EIF4E: variants seen among roughly 807,000 people sequenced by gnomAD.
EIF4E encodes eukaryotic translation initiation factor 4E.
For missense variants in EIF4E, 113 were observed against 265.6 expected, an observed-to-expected ratio of 0.43 and a Z score of 3.99; for synonymous variants, 71 against 88.5, an observed-to-expected ratio of 0.80 and a Z score of 1.11.
chr4:98,894,947 T>A (rs1304274536), intron 2 of EIF4E, among the ~76,000 whole-genome samples: 1 of 152,212 alleles, frequency 6.6e-6, no homozygotes, highest in South Asian at 2.1e-4. Context: ...GGGCTATTAA[T>A]TGGCTTAATT....
rs1356574038 is a variant in EIF4E, at chr4:98,885,106, C to T, written c.400-45G>A. On this transcript the variant is annotated intron_variant, in intron 5 of 6. Transcript: ENST00000450253. Reference sequence around the variant, plus strand: ...TTACATTTAATAGATTATAAACAAGCTCATTACACTGCAAATGTCTCTTCT... The same window carrying T: ...TTACATTTAATAGATTATAAACAAGTTCATTACACTGCAAATGTCTCTTCT... The T allele has an allele frequency of 3.8e-6, 6 of 1,583,806 alleles. No homozygotes were observed. The African/African-American group carries it at 4.1e-5, about 11-fold the overall frequency.
At position 98,880,919 on chromosome 4, in the gene EIF4E, A is replaced by C. The variant is rs3749547; in HGVS notation, c.*109T>G. On this transcript the variant is annotated 3_prime_UTR_variant, in exon 7 of 7. Transcript: ENST00000450253. ...TATATCTGAGTAACATTAAGATGGA[A>C]ATCAAATTTAAATGCAGTCCACTCT... 69,611 of 1,529,616 alleles carry C rather than the reference A, an allele frequency of 0.046. 8,075 individuals are homozygous for C. The East Asian group carries it at 0.55, about 12-fold the overall frequency. The allele number at this position is 1,529,616 out of a possible 1,614,324, so 94.8% of individuals were successfully genotyped here.
At chr4:98,896,477 C>T (rs868413308) in intron 2 of EIF4E, among the ~76,000 whole-genome samples, 2 of 117,324 alleles carry the variant, frequency 1.7e-5, no homozygotes, top group African/African-American at 3.6e-5. Context: ...AGCAAGACCC[C>T]GCATCTCTCA....
intron 1 of EIF4E, among the ~76,000 whole-genome samples, chr4:98,915,545 C>CTTTTTTTTTTTTTT (rs879404692): frequency 6.9e-6 from 1 of 144,436 alleles, no homozygotes; most frequent in African/African-American, 2.6e-5. Context: ...TTGTAAATTA[C>CTTTTTTTTTTTTTT]TTTTTTTTTT....
At chr4:98,882,284 C>T (rs1032049675) in intron 6 of EIF4E, among the ~76,000 whole-genome samples, 4 of 150,490 alleles carry the variant, frequency 2.7e-5, no homozygotes, top group East Asian at 2.0e-4. Context: ...CCCAGCAACT[C>T]GGGAGGCTGA....
chr4:98,900,471 G>A (rs10023577), intron 2 of EIF4E, among the ~76,000 whole-genome samples: 86,151 of 152,004 alleles, frequency 0.57, 27,129 homozygotes, highest in African/African-American at 0.86. Flanking sequence ...TAAAAAAATT[G>A]AGATCATAAA....
At chr4:98,902,050 T>A in intron 1 of EIF4E, 68 bp from the exon 2 acceptor site, 2 of 1,434,218 alleles carry the variant, frequency 1.4e-6, no homozygotes, top group Non-Finnish European at 2.0e-6. Flanking sequence ...ATATTCTAAC[T>A]AAACCTGAAC....
At chr4:98,898,710 A>T (rs1304524001) in intron 2 of EIF4E, among the ~76,000 whole-genome samples, 1 of 152,188 alleles carries the variant, frequency 6.6e-6, no homozygotes, top group African/African-American at 2.4e-5. Context: ...TACATTTCTC[A>T]AGTTTTTCAG....
At chr4:98,890,975 A>G (rs1724120814) in intron 3 of EIF4E, 1 of 489,564 alleles carries the variant, frequency 2.0e-6, no homozygotes. Flanking sequence ...AGCTGTCAAA[A>G]GTTCTAAGGG....
In EIF4E at chr4:98,888,018, T is replaced by C. The variant is rs1192496550; in HGVS notation, c.222-66A>G. On this transcript the variant is annotated intron_variant, in intron 3 of 6. Coordinates refer to ENST00000450253, the MANE Select transcript of EIF4E (RefSeq NM_001968.5). ...AATATAGAGTTTAGGTGCTTACATATATATACATTTAGAACATATGATGAA... is the reference window on the plus strand; with the variant it reads ...AATATAGAGTTTAGGTGCTTACATACATATACATTTAGAACATATGATGAA... 3 of 1,278,594 alleles carry C rather than the reference T, an allele frequency of 2.3e-6. No individual in the cohort carries two copies. In the East Asian group the frequency reaches 7.3e-5, roughly 31 times the overall value. 79.2% of individuals were successfully genotyped at this position (1,278,594 alleles called of 1,614,324 possible). A position where few individuals can be genotyped will look rare whatever the true frequency, so the allele number is the denominator to read the frequency against.
At chr4:98,902,892 A>G (rs1383275941) in intron 1 of EIF4E, among the ~76,000 whole-genome samples, 2 of 152,194 alleles carry the variant, frequency 1.3e-5, no homozygotes, top group Non-Finnish European at 2.9e-5. Flanking sequence ...AAAGCTTTGT[A>G]AAGTGATCAA....
At chr4:98,889,810 T>C (rs189961896) in intron 3 of EIF4E, among the ~76,000 whole-genome samples, 58 of 152,290 alleles carry the variant, frequency 3.8e-4, no homozygotes, top group African/African-American at 1.3e-3. Flanking sequence ...GCTTCCTTTT[T>C]CTCTGTAGGA....
intron 1 of EIF4E, among the ~76,000 whole-genome samples, chr4:98,906,152 C>G (rs2110203909): frequency 6.6e-6 from 1 of 152,300 alleles, no homozygotes; most frequent in Non-Finnish European, 1.5e-5. Flanking sequence ...CAGAATACCC[C>G]ATTTGTGTCC....
intron 2 of EIF4E, among the ~76,000 whole-genome samples, chr4:98,900,138 C>T (rs527710467): frequency 2.0e-5 from 3 of 151,234 alleles, no homozygotes; most frequent in African/African-American, 7.3e-5. Context: ...AGAAGATATA[C>T]AGTTTGTTTC....
intron 6 of EIF4E, among the ~76,000 whole-genome samples, chr4:98,881,808 A>G (rs1190936530): frequency 6.6e-6 from 1 of 152,226 alleles, no homozygotes; most frequent in Non-Finnish European, 1.5e-5. Flanking sequence ...CAAGTAAGAC[A>G]TGACTCTATT....
chr4:98,905,983 A>G (rs1560645905), intron 1 of EIF4E, among the ~76,000 whole-genome samples: 1 of 152,330 alleles, frequency 6.6e-6, no homozygotes, highest in African/African-American at 2.4e-5. Context: ...AAATCTGACT[A>G]AACTTTAGGT....
intron 3 of EIF4E, among the ~76,000 whole-genome samples, chr4:98,889,366 G>A (rs1724058379): frequency 1.3e-5 from 2 of 152,052 alleles, no homozygotes; most frequent in South Asian, 2.1e-4. Flanking sequence ...TAAAATTAGC[G>A]CTACTAATGT....
At chr4:98,927,802 G>A (rs1432483471) in intron 1 of EIF4E, among the ~76,000 whole-genome samples, 1 of 151,778 alleles carries the variant, frequency 6.6e-6, no homozygotes, top group African/African-American at 2.4e-5. Flanking sequence ...AGTGTGAAAG[G>A]TTTTCTGATT....
At chr4:98,895,540 A>G (rs975065512) in intron 2 of EIF4E, 9 of 152,240 alleles carry the variant, frequency 5.9e-5, no homozygotes, top group African/African-American at 1.7e-4. Context: ...TCATAATCCT[A>G]TAATTAATGC....
Sources: allele counts gnomAD v4.1 joint callset (sites outside exome capture counted in the v4.1 genomes callset), GRCh38; gene constraint gnomAD v4.1.1; transcripts MANE v1.5; gene names NCBI Gene and HGNC (gene_info 2026-07-23, HGNC 2026-07-21).